PDZRN4: variants seen among roughly 807,000 people sequenced by gnomAD.
PDZRN4 encodes PDZ domain-containing RING finger protein 4.
PDZRN4 carries 70 observed loss-of-function variants against 99.0 expected under a neutral mutation model. The ratio of observed to expected loss-of-function variants is 0.71; its 90% confidence interval spans 0.58 to 0.86. The LOEUF is 0.86. PDZRN4 is among the 40% of genes least tolerant of loss of function. The pLI is 0.00. For synonymous variants in PDZRN4, 551 were observed against 501.6 expected (o/e 1.10, Z -1.32); for missense variants, 1,474 against 1,331.2 (o/e 1.11, Z -1.67).
chr12:41,432,021 T>C (rs1162353517), intron 3 of PDZRN4, among the ~76,000 whole-genome samples: 4 of 152,238 alleles, frequency 2.6e-5, no homozygotes, highest in Admixed American at 2.6e-4. Flanking sequence ...ATCTGACATC[T>C]TTACCTCAGA....
At chr12:41,383,436 C>A (rs1952141051) in intron 3 of PDZRN4, among the ~76,000 whole-genome samples, 1 of 152,150 alleles carries the variant, frequency 6.6e-6, no homozygotes, top group Non-Finnish European at 1.5e-5. Flanking sequence ...AAAGCACCAA[C>A]TTAAATAAAA....
intron 3 of PDZRN4, among the ~76,000 whole-genome samples, chr12:41,240,605 G>A (rs1446573152): frequency 6.6e-6 from 1 of 152,140 alleles, no homozygotes. Flanking sequence ...CCATAAATTA[G>A]GTGGCTTATA....
At chr12:41,269,579 ATTCT>A (rs560661306) in intron 3 of PDZRN4, among the ~76,000 whole-genome samples, 165 of 152,324 alleles carry the variant, frequency 1.1e-3, no homozygotes, top group African/African-American at 3.8e-3. Context: ...TAATTTTCAA[ATTCT>A]TTCAGCAATT....
intron 6 of PDZRN4, 37 bp downstream of exon 6, chr12:41,552,791 G>T (rs1334203077): frequency 6.7e-7 from 1 of 1,486,390 alleles, no homozygotes; most frequent in African/African-American, 1.4e-5. Flanking sequence ...CGAGGAGGGA[G>T]ACTAGGAAGA....
chr12:41,328,180 T>C (rs1951721855), intron 3 of PDZRN4, among the ~76,000 whole-genome samples: 1 of 152,176 alleles, frequency 6.6e-6, no homozygotes, highest in Admixed American at 6.6e-5. Context: ...ATTCTTGTTT[T>C]TAATCTTTGA....
chr12:41,229,279 G>A (rs576128027), intron 3 of PDZRN4, among the ~76,000 whole-genome samples: 3 of 151,926 alleles, frequency 2.0e-5, no homozygotes, highest in African/African-American at 7.2e-5. Flanking sequence ...GCACACCCCA[G>A]AATTGTTTAA....
At chr12:41,317,051 T>TAC (rs1480706585) in intron 3 of PDZRN4, among the ~76,000 whole-genome samples, 6,339 of 102,548 alleles carry the variant, frequency 0.062, 741 homozygotes, top group African/African-American at 0.25. Context: ...ACATAAAGTA[T>TAC]ATATATATAT....
At chr12:41,272,569 T>C (rs1003565957) in intron 3 of PDZRN4, among the ~76,000 whole-genome samples, 2 of 152,028 alleles carry the variant, frequency 1.3e-5, no homozygotes, top group African/African-American at 4.8e-5. Flanking sequence ...ACCTATACTA[T>C]CAGTTATTTC....
At chr12:41,514,585 C>T (rs1487212965) in intron 5 of PDZRN4, among the ~76,000 whole-genome samples, 1 of 152,042 alleles carries the variant, frequency 6.6e-6, no homozygotes, top group Non-Finnish European at 1.5e-5. Context: ...CTTTATCTGC[C>T]TTGCTTATCA....
intron 5 of PDZRN4, among the ~76,000 whole-genome samples, chr12:41,519,822 T>C (rs1938463253): frequency 6.6e-6 from 1 of 152,102 alleles, no homozygotes; most frequent in Admixed American, 6.6e-5. Flanking sequence ...TCCAGGAAGA[T>C]GCAAAGTGCT....
chr12:41,333,071 C>T (rs191833401), intron 3 of PDZRN4, among the ~76,000 whole-genome samples: 1 of 152,244 alleles, frequency 6.6e-6, no homozygotes, highest in African/African-American at 2.4e-5. Flanking sequence ...TCAAACCTGG[C>T]AGCCTGACCT....
In PDZRN4 at chr12:41,189,099, G is replaced by A. The variant is rs781613084; in HGVS notation, c.644G>A (p.Arg215His). 3.2e-6 allele frequency: 5 copies of A among 1,579,210 alleles called. No individual in the cohort carries two copies. The highest frequency in any genetic ancestry group is 2.3e-5 in the South Asian group (2 of 87,484). The change falls in exon 1 of 10, where the codon CGC (arginine) becomes CAC (histidine). Residue 215 changes from arginine to histidine, a missense_variant. Physicochemically the swap from Arg to His is conservative, Grantham distance 29 (BLOSUM62 0). Transcript: ENST00000402685. ...NFVGDLGGGH[R>H]RDGEHKPFTI... ...GTCGGCGACCTCGGTGGCGGCCACCGCAGGGTAAGCAAAGGGGGGTGGGCA... is the reference window on the plus strand; with the variant it reads ...GTCGGCGACCTCGGTGGCGGCCACCACAGGGTAAGCAAAGGGGGGTGGGCA...
At chr12:41,358,827 G>A (rs905540890) in intron 3 of PDZRN4, among the ~76,000 whole-genome samples, 1 of 152,066 alleles carries the variant, frequency 6.6e-6, no homozygotes, top group South Asian at 2.1e-4. Context: ...GTGAGCACAT[G>A]TCAAAGCTAG....
At chr12:41,227,248 AG>A (rs551255214) in intron 3 of PDZRN4, among the ~76,000 whole-genome samples, 18 of 152,280 alleles carry the variant, frequency 1.2e-4, no homozygotes, top group African/African-American at 4.3e-4. Flanking sequence ...ATTAAGTTTG[AG>A]GTTTGTTCTG....
chr12:41,521,896 G>A (rs1277667476), intron 5 of PDZRN4, among the ~76,000 whole-genome samples: 1 of 151,980 alleles, frequency 6.6e-6, no homozygotes, highest in Non-Finnish European at 1.5e-5. Context: ...CATATTATGT[G>A]ATTACCTGTG....
chr12:41,279,933 A>C (rs868599460), intron 3 of PDZRN4, among the ~76,000 whole-genome samples: 3 of 152,320 alleles, frequency 2.0e-5, no homozygotes, highest in Middle Eastern at 3.4e-3. Flanking sequence ...AAGATGGCCG[A>C]ATAGGAACAG....
chr12:41,410,913 C>A (rs577736014), intron 3 of PDZRN4, among the ~76,000 whole-genome samples: 8 of 152,156 alleles, frequency 5.3e-5, no homozygotes, highest in African/African-American at 1.9e-4. Context: ...TTTACTGTGT[C>A]ACTCAGGCTG....
chr12:41,485,572 G>A (rs894651459), intron 3 of PDZRN4, among the ~76,000 whole-genome samples: 25 of 150,706 alleles, frequency 1.7e-4, no homozygotes, highest in East Asian at 5.8e-4. Context: ...TCTCTCTTCC[G>A]AGTCCTGCTC....
intron 3 of PDZRN4, among the ~76,000 whole-genome samples, chr12:41,386,400 G>A (rs1044240852): frequency 6.6e-6 from 1 of 152,006 alleles, no homozygotes; most frequent in African/African-American, 2.4e-5. Flanking sequence ...AAAATACCTA[G>A]GAATACAGAT....
Sources: gnomAD v4.1 joint callset for allele counts (sites outside exome capture counted in the v4.1 genomes callset) on GRCh38, gnomAD v4.1.1 for gene constraint, MANE v1.5 for transcripts, NCBI Gene and HGNC (gene_info 2026-07-23, HGNC 2026-07-21) for gene names.